The following CSMD1 variants were observed in gnomAD, a reference collection of about 807,000 sequenced individuals.
The protein encoded by CSMD1 is CUB and sushi domain-containing protein 1.
A neutral mutation model predicts 417.5 loss-of-function variants in CSMD1; 213 were observed. The ratio of observed to expected loss-of-function variants is 0.51; its 90% CI spans 0.46 to 0.57. CSMD1 has a LOEUF of 0.57. Ranked by LOEUF, CSMD1 falls within the 20% of genes least tolerant of loss-of-function variation. CSMD1 has a pLI of 0.00. For synonymous variants in CSMD1, 2,862 were observed against 1,736.8 expected, an observed-to-expected ratio of 1.65 and a Z score of -16.11; for missense variants, 6,923 against 4,529.7, an observed-to-expected ratio of 1.53 and a Z score of -15.17.
At chr8:3,218,719 A>C (rs1049152563) in intron 29 of CSMD1, among the ~76,000 whole-genome samples, 4 of 151,810 alleles carry the variant, frequency 2.6e-5, no homozygotes, top group Non-Finnish European at 5.9e-5. Context: ...TAAAAATACA[A>C]AAATTAGCCG....
At chr8:3,960,671 T>C (rs2688343) in intron 5 of CSMD1, among the ~76,000 whole-genome samples, 21,008 of 152,018 alleles carry the variant, frequency 0.14, 1,625 homozygotes, top group African/African-American at 0.2. Flanking sequence ...GAAGTTATGA[T>C]AAAACTTTTT....
intron 3 of CSMD1, among the ~76,000 whole-genome samples, chr8:4,217,394 T>C (rs1055245940): frequency 2.0e-5 from 3 of 152,202 alleles, no homozygotes; most frequent in African/African-American, 7.2e-5. Context: ...TCATGAAATA[T>C]AACTCTAATA....
intron 2 of CSMD1, among the ~76,000 whole-genome samples, chr8:4,426,350 T>G (rs1797554089): frequency 6.6e-6 from 1 of 150,576 alleles, no homozygotes; most frequent in Admixed American, 6.6e-5. Flanking sequence ...GCATATAATT[T>G]TGAAAATCCT....
chr8:4,476,578 A>T (rs1477397227), intron 2 of CSMD1, among the ~76,000 whole-genome samples: 1 of 152,204 alleles, frequency 6.6e-6, no homozygotes, highest in African/African-American at 2.4e-5. Flanking sequence ...ATAATCAAAT[A>T]GGTCTCCACA....
chr8:4,065,908 G>T (rs919353251), intron 3 of CSMD1, among the ~76,000 whole-genome samples: 2 of 152,146 alleles, frequency 1.3e-5, no homozygotes, highest in African/African-American at 4.8e-5. Flanking sequence ...GAAGAACAAA[G>T]TGGCCCAGGG....
chr8:3,124,062 G>T (rs1222862755), intron 41 of CSMD1, among the ~76,000 whole-genome samples: 2 of 152,102 alleles, frequency 1.3e-5, no homozygotes, highest in East Asian at 3.9e-4. Flanking sequence ...ATGGCTGCGG[G>T]CTACTCTAAT....
At chr8:3,221,241 C>T (rs1463933494) in intron 28 of CSMD1, among the ~76,000 whole-genome samples, 1 of 152,158 alleles carries the variant, frequency 6.6e-6, no homozygotes, top group Non-Finnish European at 1.5e-5. Flanking sequence ...CCTCACTCCA[C>T]ATCCTGAATA....
At chr8:4,059,057 G>T (rs984937919) in intron 3 of CSMD1, among the ~76,000 whole-genome samples, 1 of 152,072 alleles carries the variant, frequency 6.6e-6, no homozygotes, top group African/African-American at 2.4e-5. Context: ...GCTCTCCTCA[G>T]CAAATGTAAA....
chr8:3,287,886 G>T (rs7006127), intron 25 of CSMD1, among the ~76,000 whole-genome samples: 13,121 of 132,992 alleles, frequency 0.099, 881 homozygotes, highest in Non-Finnish European at 0.12. Flanking sequence ...GTGCCAGTTT[G>T]CAAAGGGAAT....
intron 3 of CSMD1, among the ~76,000 whole-genome samples, chr8:4,285,183 T>G (rs1796994875): frequency 6.6e-6 from 1 of 152,250 alleles, no homozygotes; most frequent in African/African-American, 2.4e-5. Context: ...TTTATGTTTT[T>G]GTATGTCAAG....
At chr8:4,214,898 G>A (rs1800542650) in intron 3 of CSMD1, among the ~76,000 whole-genome samples, 1 of 151,988 alleles carries the variant, frequency 6.6e-6, no homozygotes, top group African/African-American at 2.4e-5. Flanking sequence ...TCTTTTTTAA[G>A]TTTTACAACT....
rs562867754 is a variant in CSMD1 at position 4,047,989 on chromosome 8, G to C, written c.416-15890C>G. Among the ~76,000 whole-genome samples the C allele has an allele frequency of 1.2e-4, 18 of 152,224 alleles. No individual in the cohort carries two copies. In the East Asian group the frequency reaches 1.9e-3, roughly 16 times the overall value. On this transcript the variant is annotated intron_variant, in intron 3 of 69. Coordinates refer to ENST00000635120, the MANE Select transcript of CSMD1 (RefSeq NM_033225.6). Reference sequence around the variant, plus strand: ...TAGGCCTTGTTTCTTTTCATCCTGAGAGCTTTAAGTCTTTGTATGAGAGAT... The same window carrying C: ...TAGGCCTTGTTTCTTTTCATCCTGACAGCTTTAAGTCTTTGTATGAGAGAT...
At chr8:4,763,838 T>A (rs1035783133) in intron 1 of CSMD1, among the ~76,000 whole-genome samples, 7 of 152,176 alleles carry the variant, frequency 4.6e-5, no homozygotes, top group African/African-American at 1.7e-4. Flanking sequence ...TTAATTTCCA[T>A]TTGAAATATT....
intron 1 of CSMD1, among the ~76,000 whole-genome samples, chr8:4,849,414 A>C (rs1004691518): frequency 2.6e-5 from 4 of 151,896 alleles, no homozygotes; most frequent in African/African-American, 9.7e-5. Context: ...TACTTTTTGT[A>C]AGTTTGCTAT....
At chr8:2,969,058 T>G (rs757957702) in intron 57 of CSMD1, among the ~76,000 whole-genome samples, 3 of 152,154 alleles carry the variant, frequency 2.0e-5, no homozygotes, top group Non-Finnish European at 2.9e-5. Flanking sequence ...TATCTGCTCA[T>G]GCAAGTTAAA....
intron 3 of CSMD1, among the ~76,000 whole-genome samples, chr8:4,236,512 C>T (rs1802073773): frequency 6.6e-6 from 1 of 152,002 alleles, no homozygotes; most frequent in Non-Finnish European, 1.5e-5. Flanking sequence ...AGATGATTTG[C>T]TCAAAAAAGT....
At chr8:4,870,262 C>T (rs1024191319) in intron 1 of CSMD1, among the ~76,000 whole-genome samples, 1 of 152,086 alleles carries the variant, frequency 6.6e-6, no homozygotes, top group East Asian at 1.9e-4. Context: ...ATCTAGGTTT[C>T]CCTCTATAAC....
chr8:4,777,033 T>C (rs1297944367), intron 1 of CSMD1, among the ~76,000 whole-genome samples: 1 of 152,192 alleles, frequency 6.6e-6, no homozygotes, highest in Non-Finnish European at 1.5e-5. Context: ...TAAAGTTCGG[T>C]GTGTTGCATG....
chr8:3,826,595 A>G (rs1056955167), intron 5 of CSMD1, among the ~76,000 whole-genome samples: 1 of 152,122 alleles, frequency 6.6e-6, no homozygotes. Flanking sequence ...GGCCCAGCCC[A>G]GCTTTCCTCT....
Sources: allele counts gnomAD v4.1 joint callset (sites outside exome capture counted in the v4.1 genomes callset), GRCh38; gene constraint gnomAD v4.1.1; transcripts MANE v1.5; gene names NCBI Gene and HGNC (gene_info 2026-07-23, HGNC 2026-07-21).